ZBTB20: variants seen among roughly 807,000 people sequenced by gnomAD.
The protein encoded by ZBTB20 is zinc finger and BTB domain containing 20.
A neutral mutation model predicts 56.9 loss-of-function variants in ZBTB20; 9 were observed. The observed-to-expected ratio is 0.16, with a 90% CI of 0.10 to 0.28. The LOEUF (loss-of-function observed/expected upper bound fraction) is 0.28, where lower values mean the gene tolerates loss of function less well. Ranked by LOEUF, ZBTB20 falls within the 10% of genes least tolerant of loss-of-function variation. The probability of loss-of-function intolerance (pLI) is 1.00; values close to 1 mark genes in which losing one functional copy is unlikely to be tolerated. For missense variants in ZBTB20, 655 were observed against 1,003.0 expected (o/e 0.65, Z 4.69); for synonymous variants, 417 against 420.7 (o/e 0.99, Z 0.11).
intron 5 of ZBTB20, among the ~76,000 whole-genome samples, chr3:114,783,671 T>A (rs2070279764): frequency 1.3e-5 from 2 of 151,412 alleles, no homozygotes; most frequent in South Asian, 4.2e-4. Context: ...CACGTGCCTG[T>A]AATCCCAGCT....
At chr3:114,502,539 T>C (rs911552609) in intron 6 of ZBTB20, among the ~76,000 whole-genome samples, 2 of 152,182 alleles carry the variant, frequency 1.3e-5, no homozygotes, top group African/African-American at 4.8e-5. Flanking sequence ...TCAAATTGTT[T>C]CACAAAATTC....
chr3:115,059,570 GCA>G (rs1218650056), intron 2 of ZBTB20, among the ~76,000 whole-genome samples: 1 of 152,120 alleles, frequency 6.6e-6, no homozygotes, highest in East Asian at 1.9e-4. Flanking sequence ...CCCAAAGTAT[GCA>G]CAGTTTAATA....
At chr3:114,787,368 T>TATATACACAG (rs1433434685) in intron 5 of ZBTB20, among the ~76,000 whole-genome samples, 1 of 106,332 alleles carries the variant, frequency 9.4e-6, no homozygotes, top group Non-Finnish European at 1.9e-5. Context: ...TATATATATA[T>TATATACACAG]ACACACACAC....
intron 6 of ZBTB20, among the ~76,000 whole-genome samples, chr3:114,607,878 C>T (rs1466948049): frequency 6.6e-6 from 1 of 152,182 alleles, no homozygotes; most frequent in African/African-American, 2.4e-5. Context: ...TTACAGTCCC[C>T]AAACAAGGCT....
At chr3:114,475,001 A>G (rs923547348) in intron 7 of ZBTB20, among the ~76,000 whole-genome samples, 1 of 152,092 alleles carries the variant, frequency 6.6e-6, no homozygotes, top group African/African-American at 2.4e-5. Flanking sequence ...AACTTTCAAT[A>G]GCTCCCCACT....
chr3:114,351,484 G>A lies in ZBTB20; in HGVS notation c.594C>T (p.Gly198=), dbSNP rs776067488. The stretch of plus-strand genomic sequence containing the variant: ...AGTCCTGGATCCCCGGGAACACATC[G>A]CCCACGTTCTGTGACACGATGCGCG... ...ECTRIVSQNV[G]DVFPGIQDSG... is the part of the protein sequence containing the mutation. The change falls in exon 11 of 12, where the codon GGC becomes GGT. Residue 198 remains glycine (G), a synonymous_variant. Coordinates refer to ENST00000675478, the MANE Select transcript of ZBTB20 (RefSeq NM_001348800.3). 3 of 1,613,838 alleles carry A rather than the reference G, an allele frequency of 1.9e-6. No homozygotes were observed. The highest frequency in any genetic ancestry group is 1.7e-5 in the Admixed American group (1 of 60,028).
At chr3:114,978,124 G>C (rs1305645300) in intron 2 of ZBTB20, among the ~76,000 whole-genome samples, 2 of 150,990 alleles carry the variant, frequency 1.3e-5, no homozygotes, top group Non-Finnish European at 3.0e-5. Flanking sequence ...TGGGTTAAGA[G>C]TCTTTATAAA....
rs182361230 is a variant in ZBTB20 at position 114,320,892 on chromosome 3, A to G, written c.*18113T>C. On this transcript the variant is annotated 3_prime_UTR_variant, in exon 12 of 12. Transcript: ENST00000675478. ...AGGGGTATAGAAAGATATATTTTAG[A>G]TAATATAAACTCCTGACAAGCTATG... is the stretch of plus-strand genomic sequence containing the variant. The G allele has an allele frequency of 7.9e-5, 12 of 152,346 alleles. No individual in the cohort carries two copies. The highest frequency in any genetic ancestry group is 7.8e-4 in the Admixed American group (12 of 15,300). The allele number at this position is 152,346 out of a possible 1,614,324, so 9.4% of individuals were successfully genotyped here. A position where few individuals can be genotyped will look rare whatever the true frequency, so the allele number is the denominator to read the frequency against.
chr3:114,347,863 T>TA (rs2108171933), intron 11 of ZBTB20, among the ~76,000 whole-genome samples: 1 of 152,344 alleles, frequency 6.6e-6, no homozygotes, highest in East Asian at 1.9e-4. Context: ...ATAACATTCA[T>TA]AATTTACTGA....
chr3:114,854,528 T>C (rs1423558205), intron 4 of ZBTB20, among the ~76,000 whole-genome samples: 2 of 152,198 alleles, frequency 1.3e-5, no homozygotes, highest in Non-Finnish European at 2.9e-5. Flanking sequence ...ATGTTTTCTG[T>C]GGCTTTAAAT....
At chr3:114,499,116 A>G (rs920512513) in intron 7 of ZBTB20, among the ~76,000 whole-genome samples, 1 of 152,228 alleles carries the variant, frequency 6.6e-6, no homozygotes, top group Non-Finnish European at 1.5e-5. Context: ...ATAAGCATGC[A>G]TATTGACATC....
chr3:115,113,783 C>T (rs2083945792), intron 1 of ZBTB20, among the ~76,000 whole-genome samples: 1 of 152,148 alleles, frequency 6.6e-6, no homozygotes, highest in South Asian at 2.1e-4. Flanking sequence ...GCAGCAGCGG[C>T]AGCATAATAC....
chr3:114,996,291 G>A (rs908678656), intron 2 of ZBTB20, among the ~76,000 whole-genome samples: 1 of 151,630 alleles, frequency 6.6e-6, no homozygotes, highest in Non-Finnish European at 1.5e-5. Flanking sequence ...ATATGCCATG[G>A]TGGCTTGCTG....
chr3:114,788,762 C>T (rs1168174552), intron 5 of ZBTB20, among the ~76,000 whole-genome samples: 1 of 152,074 alleles, frequency 6.6e-6, no homozygotes, highest in East Asian at 1.9e-4. Context: ...AAGATGTACC[C>T]AAGACTGGGT....
At chr3:114,474,275 A>C (rs2040487576) in intron 7 of ZBTB20, among the ~76,000 whole-genome samples, 1 of 152,226 alleles carries the variant, frequency 6.6e-6, no homozygotes, top group South Asian at 2.1e-4. Context: ...GGACACTGTA[A>C]AATTGACCCC....
chr3:114,718,928 T>C (rs1479530868), intron 5 of ZBTB20, among the ~76,000 whole-genome samples: 1 of 152,036 alleles, frequency 6.6e-6, no homozygotes, highest in African/African-American at 2.4e-5. Context: ...TTATTTTGTA[T>C]GTGTGTGAGC....
chr3:114,695,630 A>C (rs2062963368), intron 5 of ZBTB20, among the ~76,000 whole-genome samples: 1 of 151,746 alleles, frequency 6.6e-6, no homozygotes, highest in Middle Eastern at 3.2e-3. Context: ...TTTTTTTTTA[A>C]ATTTAAACAA....
intron 7 of ZBTB20, among the ~76,000 whole-genome samples, chr3:114,469,771 T>C (rs982267950): frequency 6.6e-6 from 1 of 152,206 alleles, no homozygotes; most frequent in Non-Finnish European, 1.5e-5. Context: ...CTGCTTGTAA[T>C]TCCCTCCCTC....
chr3:115,077,672 A>T (rs1423739256), intron 1 of ZBTB20, among the ~76,000 whole-genome samples: 1 of 152,236 alleles, frequency 6.6e-6, no homozygotes, highest in Non-Finnish European at 1.5e-5. Context: ...AGTAATTCAA[A>T]TTACAACCAC....
Sources: gnomAD v4.1 joint callset for allele counts (sites outside exome capture counted in the v4.1 genomes callset) on GRCh38, gnomAD v4.1.1 for gene constraint, MANE v1.5 for transcripts, NCBI Gene and HGNC (gene_info 2026-07-23, HGNC 2026-07-21) for gene names.